Variants in ARFGEF1 observed in about 807,000 individuals in gnomAD.
The protein encoded by ARFGEF1 is brefeldin A-inhibited guanine nucleotide-exchange protein 1.
In ARFGEF1, 42 loss-of-function variants were observed where a neutral mutation model predicts 231.0. The observed-to-expected ratio is 0.18, with a 90% CI of 0.14 to 0.24. The LOEUF is 0.24. Among genes scored for constraint, ARFGEF1 ranks in the 10% least tolerant of loss-of-function variants. ARFGEF1 has a pLI of 1.00. For missense variants in ARFGEF1, 1,345 were observed against 2,192.0 expected (o/e 0.61, Z 7.72); for synonymous variants, 710 against 732.3 (o/e 0.97, Z 0.49).
intron 22 of ARFGEF1, among the ~76,000 whole-genome samples, chr8:67,235,856 T>C (rs34629505): frequency 0.02 from 3,072 of 152,202 alleles, 41 homozygotes; most frequent in Middle Eastern, 0.041. Context: ...AATTATCTAC[T>C]ATGTATTCTT....
At chr8:67,279,045 C>G (rs1587201821) in intron 7 of ARFGEF1, among the ~76,000 whole-genome samples, 1 of 152,108 alleles carries the variant, frequency 6.6e-6, no homozygotes, top group Non-Finnish European at 1.5e-5. Context: ...GGGAGGATCA[C>G]TTGAGGTCAG....
intron 7 of ARFGEF1, among the ~76,000 whole-genome samples, chr8:67,278,195 AG>A (rs1233636112): frequency 6.6e-6 from 1 of 152,198 alleles, no homozygotes; most frequent in African/African-American, 2.4e-5. Flanking sequence ...GAAAACTATA[AG>A]ATAGTACGAG....
intron 17 of ARFGEF1, among the ~76,000 whole-genome samples, chr8:67,255,078 G>A (rs1840412272): frequency 6.6e-6 from 1 of 152,194 alleles, no homozygotes; most frequent in South Asian, 2.1e-4. Flanking sequence ...ATGCCAATCA[G>A]AGGCAGAGAA....
At chr8:67,211,015 G>C (rs1838717595) in intron 34 of ARFGEF1, among the ~76,000 whole-genome samples, 1 of 144,666 alleles carries the variant, frequency 6.9e-6, no homozygotes, top group Non-Finnish European at 1.5e-5. Context: ...CTGCACTCCA[G>C]CGTAGGCGAC....
At chr8:67,227,829 C>T (rs2128872063) in intron 25 of ARFGEF1, 134 bp downstream of exon 25, 1 of 868,720 alleles carries the variant, frequency 1.2e-6, no homozygotes, top group Non-Finnish European at 1.6e-6. Flanking sequence ...ACACCATTCA[C>T]AGGGTTTTCT....
At chr8:67,187,644 A>C (rs1835041612) in intron 5 of ARFGEF1, among the ~76,000 whole-genome samples, 1 of 152,112 alleles carries the variant, frequency 6.6e-6, no homozygotes, top group Non-Finnish European at 1.5e-5. Context: ...TGATCACGCC[A>C]CTAAACTCCA....
chr8:67,292,238 T>G, intron 5 of ARFGEF1, 115 bp from the exon 6 acceptor site: 1 of 841,908 alleles, frequency 1.2e-6, no homozygotes, highest in Non-Finnish European at 1.8e-6. Flanking sequence ...CGCTTGGAAA[T>G]TAAAGTTTAT....
chr8:67,300,026 C>G (rs981677350), intron 3 of ARFGEF1, among the ~76,000 whole-genome samples: 1 of 152,010 alleles, frequency 6.6e-6, no homozygotes, highest in Non-Finnish European at 1.5e-5. Flanking sequence ...TTTATTGATA[C>G]TGCTTTTGTG....
At chr8:67,193,557 C>T (rs201261521), downstream of ARFGEF1, 49 of 1,613,578 alleles carry the variant, frequency 3.0e-5, no homozygotes, top group Middle Eastern at 1.6e-4. Flanking sequence ...AAATGAGGAA[C>T]GAATGCGAAG....
At chr8:67,191,931 A>G (rs1836365894) in intron 5 of ARFGEF1, among the ~76,000 whole-genome samples, 1 of 152,086 alleles carries the variant, frequency 6.6e-6, no homozygotes, top group African/African-American at 2.4e-5. Flanking sequence ...GATTTTAGCC[A>G]TCTATTGAGT....
rs1454395967 is a variant in ARFGEF1 at position 67,215,136 on chromosome 8, T to TAAGA, written c.4686+1453_4686+1454insTCTT. On this transcript the variant is annotated intron_variant, in intron 33 of 38. Coordinates refer to ENST00000262215, the MANE Select transcript of ARFGEF1 (RefSeq NM_006421.5). ...TTTTAAAAGTTACAAACCTGTTTTC[T>TAAGA]AGGTTCACAGGTCCACAGATGGAGA... Among the ~76,000 whole-genome samples the TAAGA allele has an allele frequency of 2.0e-5, 3 of 152,304 alleles. No homozygotes were observed. The East Asian group carries it at 5.8e-4, about 29-fold the overall frequency.
intron 1 of ARFGEF1, among the ~76,000 whole-genome samples, chr8:67,312,481 C>T (rs1238481904): frequency 1.3e-5 from 2 of 151,632 alleles, no homozygotes; most frequent in African/African-American, 4.8e-5. Flanking sequence ...GTGAAAAATC[C>T]TAAAGGAATA....
chr8:67,198,807 AAGCATCTTT>A lies in ARFGEF1; in HGVS notation c.*118_*126del. ...TGTTGCAAGTTTGAGTAAGACTTCT[AAGCATCTTT>A]ACCAGTAACTCAGACACTGCAATCC... On this transcript the variant is annotated 3_prime_UTR_variant, in exon 39 of 39. Coordinates refer to ENST00000262215, the MANE Select transcript of ARFGEF1 (RefSeq NM_006421.5). 1 of 1,467,220 alleles carries A rather than the reference AAGCATCTTT, an allele frequency of 6.8e-7. No homozygotes were observed. The highest frequency in any genetic ancestry group is 9.0e-7 in the Non-Finnish European group (1 of 1,113,862). 90.9% of individuals were successfully genotyped at this position (1,467,220 alleles called of 1,614,324 possible).
chr8:67,232,996 G>T, intron 22 of ARFGEF1, 51 bp from the exon 23 acceptor site: 2 of 1,408,374 alleles, frequency 1.4e-6, no homozygotes, highest in Non-Finnish European at 2.0e-6. Flanking sequence ...TTCAGTAGAA[G>T]AATACACTTA....
chr8:67,295,707 G>A (rs573477878), intron 5 of ARFGEF1, among the ~76,000 whole-genome samples: 1 of 152,224 alleles, frequency 6.6e-6, no homozygotes, highest in East Asian at 1.9e-4. Flanking sequence ...ACATTAGTGG[G>A]AAAATTGGTG....
At position 67,306,184 on chromosome 8, in the gene ARFGEF1, T is replaced by G. The variant is rs145829146; in HGVS notation, c.125-3718A>C. Among the ~76,000 whole-genome samples, 21 of 152,292 alleles carry G rather than the reference T, an allele frequency of 1.4e-4. No individual in the cohort carries two copies. In the East Asian group the frequency reaches 4.1e-3, roughly 29 times the overall value. On this transcript the variant is annotated intron_variant, in intron 1 of 38. Coordinates refer to ENST00000262215, the MANE Select transcript of ARFGEF1 (RefSeq NM_006421.5). ...GGGTATTAAGTAAAATAAGAGTGAC[T>G]TGAACACAAGCATGCCCTACTACAA...
At chr8:67,264,997 T>C (rs1804791586) in intron 14 of ARFGEF1, among the ~76,000 whole-genome samples, 1 of 152,200 alleles carries the variant, frequency 6.6e-6, no homozygotes, top group South Asian at 2.1e-4. Context: ...AATTTCAATA[T>C]GCATATTTGT....
At chr8:67,182,526 T>C (rs1833312731) in intron 5 of ARFGEF1, among the ~76,000 whole-genome samples, 3 of 152,246 alleles carry the variant, frequency 2.0e-5, no homozygotes, top group African/African-American at 4.8e-5. Flanking sequence ...CTAGATCATA[T>C]AGTAATTCTA....
chr8:67,221,406 T>G (rs1468259719), intron 29 of ARFGEF1, among the ~76,000 whole-genome samples: 1 of 152,248 alleles, frequency 6.6e-6, no homozygotes, highest in South Asian at 2.1e-4. Flanking sequence ...ACACTGATGA[T>G]CCTGACCCTG....
Sources: allele counts gnomAD v4.1 joint callset (sites outside exome capture counted in the v4.1 genomes callset), GRCh38; gene constraint gnomAD v4.1.1; transcripts MANE v1.5; gene names NCBI Gene and HGNC (gene_info 2026-07-23, HGNC 2026-07-21).